Variants in NAALADL2 observed in about 807,000 individuals in gnomAD.
NAALADL2 encodes N-acetylated alpha-linked acidic dipeptidase like 2.
In NAALADL2, 76 loss-of-function variants were observed where a neutral mutation model predicts 87.2. That is an observed-to-expected ratio of 0.87 (90% CI 0.72 to 1.05). The LOEUF (loss-of-function observed/expected upper bound fraction) is 1.05, where lower values mean the gene tolerates loss of function less well. Ranked by LOEUF, NAALADL2 falls within the 50% of genes least tolerant of loss-of-function variation. The probability of loss-of-function intolerance (pLI) is 0.00; values close to 1 mark genes in which losing one functional copy is unlikely to be tolerated. For missense variants in NAALADL2, 1,089 were observed against 945.8 expected (o/e 1.15, Z -1.99); for synonymous variants, 354 against 331.0 (o/e 1.07, Z -0.75).
At chr3:174,884,113 C>T (rs751829954) in intron 1 of NAALADL2, among the ~76,000 whole-genome samples, 1 of 152,086 alleles carries the variant, frequency 6.6e-6, no homozygotes, top group Non-Finnish European at 1.5e-5. Flanking sequence ...GGCGGCATTC[C>T]TCCCTCTGGA....
chr3:175,442,030 C>T (rs1292396148), intron 5 of NAALADL2, among the ~76,000 whole-genome samples: 1 of 152,132 alleles, frequency 6.6e-6, no homozygotes, highest in East Asian at 1.9e-4. Flanking sequence ...CAACTTCCGC[C>T]TCCCAGATTC....
At chr3:175,169,535 G>A (rs1202746361) in intron 2 of NAALADL2, among the ~76,000 whole-genome samples, 1 of 151,350 alleles carries the variant, frequency 6.6e-6, no homozygotes, top group African/African-American at 2.4e-5. Context: ...TAATTATTTT[G>A]TAAGACTGAA....
At chr3:174,534,053 A>G (rs1181959691) in intron 1 of NAALADL2, among the ~76,000 whole-genome samples, 2 of 152,190 alleles carry the variant, frequency 1.3e-5, no homozygotes, top group Non-Finnish European at 2.9e-5. Flanking sequence ...GGTAGAAAAT[A>G]TATTTTAATA....
chr3:175,799,941 C>T (rs1354550550), intron 13 of NAALADL2, among the ~76,000 whole-genome samples: 8 of 152,214 alleles, frequency 5.3e-5, no homozygotes, highest in South Asian at 2.1e-4. Context: ...GAATGTTCTG[C>T]GCCTGGAAGT....
intron 1 of NAALADL2, among the ~76,000 whole-genome samples, chr3:174,882,297 TTTTA>T (rs1187448197): frequency 2.6e-5 from 4 of 151,904 alleles, no homozygotes; most frequent in African/African-American, 7.2e-5. Flanking sequence ...GGTAAGAGGT[TTTTA>T]TTTTTCTTTT....
intron 1 of NAALADL2, among the ~76,000 whole-genome samples, chr3:175,094,795 T>C (rs1159500686): frequency 6.7e-6 from 1 of 150,082 alleles, no homozygotes; most frequent in African/African-American, 2.5e-5. Flanking sequence ...TGTGTGAATA[T>C]TATACATCCT....
intron 13 of NAALADL2, among the ~76,000 whole-genome samples, chr3:175,785,275 T>C (rs979082866): frequency 1.3e-5 from 2 of 150,542 alleles, no homozygotes; most frequent in Admixed American, 6.6e-5. Flanking sequence ...CTTTCTGTCT[T>C]GTTGATCTGT....
At chr3:174,624,839 A>G (rs557399882) in intron 2 of NAALADL2, among the ~76,000 whole-genome samples, 1 of 152,276 alleles carries the variant, frequency 6.6e-6, no homozygotes, top group East Asian at 1.9e-4. Context: ...TTAGCCAATA[A>G]TAAGCATTAT....
intron 9 of NAALADL2, among the ~76,000 whole-genome samples, chr3:175,522,205 T>C (rs1732745129): frequency 6.6e-6 from 1 of 152,214 alleles, no homozygotes; most frequent in South Asian, 2.1e-4. Flanking sequence ...TTTAAAATTA[T>C]ATTTATTTTA....
At chr3:174,995,556 A>G (rs986516183) in intron 1 of NAALADL2, among the ~76,000 whole-genome samples, 1 of 152,134 alleles carries the variant, frequency 6.6e-6, no homozygotes, top group African/African-American at 2.4e-5. Context: ...CAGACCCCAT[A>G]CTTTCATCAC....
chr3:174,831,730 T>C (rs1313934386), intron 3 of NAALADL2, among the ~76,000 whole-genome samples: 1 of 151,276 alleles, frequency 6.6e-6, no homozygotes, highest in African/African-American at 2.4e-5. Context: ...TGTGAATCCA[T>C]CTGGTCCTGT....
intron 2 of NAALADL2, among the ~76,000 whole-genome samples, chr3:174,577,131 T>C (rs1018074289): frequency 2.0e-5 from 3 of 152,000 alleles, no homozygotes; most frequent in Non-Finnish European, 4.4e-5. Context: ...AGATGAAAAA[T>C]AAAAATTCAA....
chr3:174,681,847 A>C (rs1434244661), intron 2 of NAALADL2, among the ~76,000 whole-genome samples: 1 of 152,146 alleles, frequency 6.6e-6, no homozygotes, highest in Non-Finnish European at 1.5e-5. Context: ...TGGGTCCCTG[A>C]TTCCAGGCCT....
intron 2 of NAALADL2, among the ~76,000 whole-genome samples, chr3:175,161,331 A>G (rs889868937): frequency 2.0e-5 from 3 of 152,154 alleles, no homozygotes; most frequent in African/African-American, 7.2e-5. Context: ...CAGAAAAAAA[A>G]AAGATTGAAA....
At chr3:175,293,569 A>C (rs1460789812) in intron 4 of NAALADL2, among the ~76,000 whole-genome samples, 1 of 152,178 alleles carries the variant, frequency 6.6e-6, no homozygotes, top group Admixed American at 6.5e-5. Flanking sequence ...GCTAACTCTC[A>C]AGATGATAGT....
At chr3:175,139,659 C>A (rs1188330670) in intron 2 of NAALADL2, among the ~76,000 whole-genome samples, 1 of 149,958 alleles carries the variant, frequency 6.7e-6, no homozygotes, top group Admixed American at 6.8e-5. Context: ...AATTTAAATT[C>A]ATTATTCTAA....
At chr3:174,882,389 G>A (rs1253029315) in intron 1 of NAALADL2, among the ~76,000 whole-genome samples, 1 of 151,406 alleles carries the variant, frequency 6.6e-6, no homozygotes, top group Non-Finnish European at 1.5e-5. Flanking sequence ...TTCTCTAGAG[G>A]AACGGAACTA....
At chr3:174,912,155 A>G (rs1053675711) in intron 1 of NAALADL2, among the ~76,000 whole-genome samples, 2 of 152,014 alleles carry the variant, frequency 1.3e-5, no homozygotes, top group African/African-American at 4.8e-5. Flanking sequence ...CATTTTCCAT[A>G]AAAGAAAAAA....
chr3:174,642,765 TATATATATATATATATA>T (rs1723366411), intron 2 of NAALADL2, among the ~76,000 whole-genome samples: 6 of 47,042 alleles, frequency 1.3e-4, no homozygotes, highest in African/African-American at 3.7e-4. Context: ...TATATATATA[TATATATATATATATATA>T]TATATATGTT....
Sources: gnomAD v4.1 joint callset for allele counts (sites outside exome capture counted in the v4.1 genomes callset) on GRCh38, gnomAD v4.1.1 for gene constraint, MANE v1.5 for transcripts, NCBI Gene and HGNC (gene_info 2026-07-23, HGNC 2026-07-21) for gene names.